Variants in UBN1 observed in about 807,000 individuals in gnomAD.
The protein encoded by UBN1 is ubinuclein 1.
Under a neutral mutation model 108.5 loss-of-function variants are expected in UBN1, and 17 were observed. The ratio of observed to expected loss-of-function variants is 0.16; its 90% CI spans 0.11 to 0.24. The LOEUF (loss-of-function observed/expected upper bound fraction) is 0.24. Ranked by LOEUF, UBN1 falls within the 10% of genes least tolerant of loss-of-function variation. The probability of loss-of-function intolerance (pLI) is 1.00; values close to 1 mark genes in which losing one functional copy is unlikely to be tolerated. For missense variants in UBN1, 1,595 were observed against 1,394.4 expected (o/e 1.14, Z -2.29); for synonymous variants, 726 against 564.2 (o/e 1.29, Z -4.07).
chr16:4,880,277 T>G lies in UBN1; in HGVS notation c.*145T>G, dbSNP rs529377421. The G allele has an allele frequency of 1.9e-5, 17 of 910,046 alleles. No homozygotes were observed. The East Asian group carries it at 4.2e-4, about 22-fold the overall frequency. 56.4% of individuals were successfully genotyped at this position (910,046 alleles called of 1,614,324 possible). On this transcript the variant is annotated 3_prime_UTR_variant, in exon 18 of 18. Transcript: ENST00000262376. ...TTCTCAGCGGAGCGCTTCTCGGCAC[T>G]TCTGATGTGCCTCCCATGGAGGGAG...
At chr16:4,869,715 G>A (rs947933176) in intron 8 of UBN1, among the ~76,000 whole-genome samples, 2 of 152,288 alleles carry the variant, frequency 1.3e-5, no homozygotes, top group Middle Eastern at 3.4e-3. Flanking sequence ...CTGCTTGAGC[G>A]TGCCAAATGT....
At position 4,851,911 on chromosome 16, in the gene UBN1, TATAAG is replaced by T. The variant is rs561568802; in HGVS notation, c.-39-966_-39-962del. 2.0e-4 allele frequency among the ~76,000 whole-genome samples: 31 copies of T among 152,328 alleles called. 1 individual carries two copies. In the South Asian group the frequency reaches 6.0e-3, roughly 30 times the overall value. On this transcript the variant is annotated intron_variant, in intron 1 of 17. Coordinates refer to ENST00000262376, the MANE Select transcript of UBN1 (RefSeq NM_001079514.3). ...AAATAACAAAACAAGAAGAAGTACT[TATAAG>T]AGATATGACAGATTTTGTATATCTA... is the stretch of plus-strand genomic sequence containing the variant.
Position 4,871,196 on chromosome 16 carries a change from A to C in UBN1, c.1601A>C (p.Gln534Pro). The C allele has an allele frequency of 1.2e-6, 2 of 1,614,236 alleles. No individual in the cohort carries two copies. The highest frequency in any genetic ancestry group is 1.7e-6 in the Non-Finnish European group (2 of 1,180,034). ...GTGGTGAAGATCAAACTGGAGAGCC[A>C]GGACCTGGAGAGGAACAACAAAGCC... ...CQVVKIKLES[Q>P]DLERNNKAQA... The change falls in exon 12 of 18, where the codon CAG becomes CCG. Residue 534 changes from glutamine to proline, a missense_variant. By Grantham distance (76) the Gln-to-Pro change is moderately conservative (BLOSUM62 -1). Transcript: ENST00000262376.
At position 4,875,190 on chromosome 16, in the gene UBN1, G is replaced by A; in HGVS notation, c.2780G>A (p.Ser927Asn). ...TCCTCGGGAGGAACACCAGTCCAGA[G>A]TTCTGTTTCTGGGAGCCTGGTCCCT... ...SSSSGGTPVQ[S>N]SVSGSLVPGI... The change falls in exon 15 of 18, where the codon AGT becomes AAT. Residue 927 changes from serine to asparagine, a missense_variant. Physicochemically the swap from Ser to Asn is conservative, Grantham distance 46 (BLOSUM62 1). Coordinates refer to ENST00000262376, the MANE Select transcript of UBN1 (RefSeq NM_001079514.3). 6.2e-7 allele frequency: 1 copy of A among 1,614,264 alleles called. No homozygotes were observed. The highest frequency in any genetic ancestry group is 8.5e-7 in the Non-Finnish European group (1 of 1,180,052).
In UBN1 at chr16:4,880,129, G is replaced by A. The variant is rs934951074; in HGVS notation, c.3402G>A (p.Leu1134=). 1.9e-6 allele frequency: 3 copies of A among 1,613,862 alleles called. No homozygotes were observed. The African/African-American group carries it at 4.0e-5, about 22-fold the overall frequency. ...HGKGPAVPRK[L] ...AAGGGCCTGCTGTACCACGGAAATT[G>A]TGACCGCTTCAGAGGCAAGGCTTGC... The change falls in exon 18 of 18, where the codon TTG becomes TTA. Residue 1134 remains leucine, a synonymous_variant. Transcript: ENST00000262376.
Position 4,847,485 on chromosome 16 carries a change from C to T in UBN1, c.-765C>T, listed in dbSNP as rs573662819. On this transcript the variant is annotated 5_prime_UTR_variant, in exon 1 of 18. Coordinates refer to ENST00000262376, the MANE Select transcript of UBN1 (RefSeq NM_001079514.3). ...CGCCGGAGCGCAGAGACTCCCGGCT[C>T]CTTCCCCCTCCCTTCGGCTCGTGAC... The T allele has an allele frequency of 3.4e-6, 2 of 586,226 alleles. No homozygotes were observed. The highest frequency in any genetic ancestry group is 4.0e-5 in the African/African-American group (2 of 50,136). 36.3% of individuals were successfully genotyped at this position (586,226 alleles called of 1,614,324 possible).
intron 5 of UBN1, 67 bp downstream of exon 5, chr16:4,859,226 G>T: frequency 6.4e-7 from 1 of 1,571,118 alleles, no homozygotes; most frequent in Non-Finnish European, 8.6e-7. Flanking sequence ...ATCAGTAGGT[G>T]ACTTGCCAGA....
chr16:4,860,128 G>A (rs1477227600), intron 6 of UBN1, among the ~76,000 whole-genome samples, 160 bp downstream of exon 6: 1 of 152,184 alleles, frequency 6.6e-6, no homozygotes, highest in African/African-American at 2.4e-5. Flanking sequence ...GGGCATAGAC[G>A]CTCACCTCTC....
At position 4,870,297 on chromosome 16, in the gene UBN1, G is replaced by A; in HGVS notation, c.1267G>A (p.Asp423Asn). 1 of 1,614,210 alleles carries A rather than the reference G, an allele frequency of 6.2e-7. No homozygotes were observed. The highest frequency in any genetic ancestry group is 1.1e-5 in the South Asian group (1 of 91,086). The change falls in exon 9 of 18, where the codon GAT (aspartate) becomes AAT (asparagine). Residue 423 changes from aspartate to asparagine, a missense_variant. Coordinates refer to ENST00000262376, the MANE Select transcript of UBN1 (RefSeq NM_001079514.3). ...YLASFLPCSK[D>N]ALLKRARKLH... ...TGCGTCATTCCTGCCCTGCAGCAAG[G>A]ATGCCCTGCTCAAGCGTGCTCGGAA...
intron 7 of UBN1, 139 bp from the exon 8 acceptor site, chr16:4,868,694 A>C: frequency 1.4e-6 from 1 of 707,520 alleles, no homozygotes; most frequent in Non-Finnish European, 2.4e-6. Flanking sequence ...ACCTGGGACT[A>C]GGGTGGAGTT....
chr16:4,858,133 A>C, intron 3 of UBN1, 57 bp downstream of exon 3: 2 of 1,135,274 alleles, frequency 1.8e-6, no homozygotes, highest in South Asian at 2.5e-5. Flanking sequence ...ACGTTTCCAC[A>C]CTGTATTCCT....
chr16:4,863,196 T>G (rs2087154001), intron 7 of UBN1, among the ~76,000 whole-genome samples: 1 of 152,230 alleles, frequency 6.6e-6, no homozygotes, highest in South Asian at 2.1e-4. Context: ...TTCTGCCTTT[T>G]TACGTAATAT....
At position 4,860,889 on chromosome 16, in the gene UBN1, C is replaced by T. The variant is rs753981977; in HGVS notation, c.897C>T (p.Asn299=). 5.6e-6 allele frequency: 9 copies of T among 1,614,278 alleles called. No individual in the cohort carries two copies. The highest frequency in any genetic ancestry group is 4.5e-5 in the East Asian group (2 of 44,888). ...LLSLFGSTSD[N]DLLQAATAMD... is the part of the protein sequence containing the mutation. ...CACTCTTTGGCTCTACTTCTGACAACGACTTGCTCCAGGCGGCCACTGCCA... is the reference window on the plus strand; with the variant it reads ...CACTCTTTGGCTCTACTTCTGACAATGACTTGCTCCAGGCGGCCACTGCCA... The change falls in exon 7 of 18, where the codon AAC becomes AAT. Residue 299 remains asparagine (N), a synonymous_variant. Transcript: ENST00000262376.
At position 4,880,153 on chromosome 16, in the gene UBN1, G is replaced by T; in HGVS notation, c.*21G>T. ...TGTGACCGCTTCAGAGGCAAGGCTT[G>T]CCACTTGGGTCTGGGTGGAATCAGA... On this transcript the variant is annotated 3_prime_UTR_variant, in exon 18 of 18. Transcript: ENST00000262376. 1 of 1,613,848 alleles carries T rather than the reference G, an allele frequency of 6.2e-7. No homozygotes were observed. The highest frequency in any genetic ancestry group is 1.3e-5 in the African/African-American group (1 of 75,010).
chr16:4,856,974 TAC>T (rs1418835908), intron 2 of UBN1, among the ~76,000 whole-genome samples: 1 of 152,190 alleles, frequency 6.6e-6, no homozygotes, highest in East Asian at 1.9e-4. Flanking sequence ...GAAACAGGCA[TAC>T]AGTCTTTAGT....
Position 4,877,791 on chromosome 16 carries a change from T to G in UBN1, c.3355+317T>G, listed in dbSNP as rs2087956064. 5.8e-6 allele frequency: 6 copies of G among 1,043,360 alleles called. No individual in the cohort carries two copies. Among genetic ancestry groups the G allele is most frequent in the East Asian group, 6.6e-5 (1 of 15,246 alleles). The allele number at this position is 1,043,360 out of a possible 1,614,324, so 64.6% of individuals were successfully genotyped here. On this transcript the variant is annotated intron_variant, in intron 17 of 17. Transcript: ENST00000262376. The surrounding 1 kb of genome is among the most constrained non-coding windows in gnomAD (Gnocchi z 4.3). ...CTAACCCTCGGCTTGTTTTTTTCTCTTCAGTTTAAAAAAAAAAAAAAAGGG... is the reference window on the plus strand; with the variant it reads ...CTAACCCTCGGCTTGTTTTTTTCTCGTCAGTTTAAAAAAAAAAAAAAAGGG...
chr16:4,868,207 C>T (rs532006473), intron 7 of UBN1, among the ~76,000 whole-genome samples: 2 of 152,296 alleles, frequency 1.3e-5, no homozygotes, highest in East Asian at 1.9e-4. Flanking sequence ...AGCTTGCCAT[C>T]CAGGGTGTGT....
chr16:4,860,096 A>G lies in UBN1; in HGVS notation c.671+128A>G, dbSNP rs2086989876. On this transcript the variant is annotated intron_variant, in intron 6 of 17. Coordinates refer to ENST00000262376, the MANE Select transcript of UBN1 (RefSeq NM_001079514.3). The stretch of plus-strand genomic sequence containing the variant: ...GGGCCTGGCCTTCCTGTCCTCCCGC[A>G]CGCCTCCCGCAGTGCCATTCTGGGC... 5 of 1,184,702 alleles carry G rather than the reference A, an allele frequency of 4.2e-6. No homozygotes were observed. In the Admixed American group the frequency reaches 9.9e-5, roughly 23 times the overall value. The allele number at this position is 1,184,702 out of a possible 1,614,324, so 73.4% of individuals were successfully genotyped here.
rs375778562 is a variant in UBN1, at chr16:4,859,006, G to A, written c.433-19G>A. 1.7e-5 allele frequency: 28 copies of A among 1,610,404 alleles called. No homozygotes were observed. The African/African-American group carries it at 3.6e-4, about 21-fold the overall frequency. ...GCAGAAGCAGAACTTGGAGCTGACAGTTTGTTTCCCATCTTCAGTATGATG... is the reference window on the plus strand; with the variant it reads ...GCAGAAGCAGAACTTGGAGCTGACAATTTGTTTCCCATCTTCAGTATGATG... On this transcript the variant is annotated intron_variant, in intron 4 of 17. Transcript: ENST00000262376.
Sources: gnomAD v4.1 joint callset for allele counts (sites outside exome capture counted in the v4.1 genomes callset) on GRCh38, gnomAD v4.1.1 for gene constraint, Gnocchi (gnomAD v3.1) non-coding constraint, MANE v1.5 for transcripts, NCBI Gene and HGNC (gene_info 2026-07-23, HGNC 2026-07-21) for gene names.